CHTF18: variants seen among roughly 807,000 people sequenced by gnomAD.
The protein encoded by CHTF18 is chromosome transmission fidelity factor 18, also known as chromosome transmission fidelity protein 18 homolog.
A neutral mutation model predicts 113.4 loss-of-function variants in CHTF18; 151 were observed. That is an observed-to-expected ratio of 1.33 (90% CI 1.17 to 1.52). The LOEUF is 1.52. Ranked by LOEUF, CHTF18 falls within the 40% of genes most tolerant of loss-of-function variation. The pLI is 0.00. For synonymous variants in CHTF18, 916 were observed against 598.8 expected, an observed-to-expected ratio of 1.53 and a Z score of -7.74; for missense variants, 1,982 against 1,381.6, an observed-to-expected ratio of 1.43 and a Z score of -6.89.
intron 14 of CHTF18, chr16:793,620 C>T (rs753797455): frequency 7.6e-6 from 4 of 528,668 alleles, no homozygotes; most frequent in South Asian, 4.0e-5. Flanking sequence ...GGTCTCTGAG[C>T]CCCTGCCTGC....
rs778830831 is a variant in CHTF18, at chr16:792,721, C to T, written c.1482C>T (p.Phe494=). The change falls in exon 12 of 22, where the codon TTC becomes TTT. Residue 494 remains phenylalanine (F), a synonymous_variant. Transcript: ENST00000262315. The part of the protein sequence containing the change: ...RPIICICNDQ[F]APSLRQLKQQ... ...TGGCCCTGCCGCCTCTCCTCAGGTT[C>T]GCACCGTCCCTGCGGCAGCTGAAGC... The T allele has an allele frequency of 1.3e-5, 20 of 1,563,090 alleles. No individual in the cohort carries two copies. The highest frequency in any genetic ancestry group is 1.2e-4 in the East Asian group (5 of 42,372).
At position 790,365 on chromosome 16, in the gene CHTF18, C is replaced by T. The variant is rs2042161375; in HGVS notation, c.718C>T (p.Gln240Ter). Reference protein sequence around the residue: ...VDGERRERLLQEAQKLSDTLH... With the variant: ...VDGERRERLL ...TGCACAGCGGCGGGAGCGGCTGCTT[C>T]AGGAGGCCCAGAAGCTTTCAGACAC... The change falls in exon 6 of 22, where the codon CAG (glutamine) becomes TAG (stop). Residue 240 changes from glutamine to a stop codon, truncating the protein, a stop_gained. Coordinates refer to ENST00000262315, the MANE Select transcript of CHTF18 (RefSeq NM_022092.3). LOFTEE classifies it high-confidence loss of function. 1.2e-6 allele frequency: 2 copies of T among 1,611,592 alleles called. No individual in the cohort carries two copies. The highest frequency in any genetic ancestry group is 2.2e-5 in the East Asian group (1 of 44,790).
At chr16:792,069 T>C in intron 9 of CHTF18, 121 bp downstream of exon 9, 1 of 1,536,240 alleles carries the variant, frequency 6.5e-7, no homozygotes, top group South Asian at 1.2e-5. Flanking sequence ...CCTGGGTGTG[T>C]GGGCCGGGAA....
chr16:797,670 C>G, intron 20 of CHTF18, 24 bp from the exon 21 acceptor site: 1 of 1,611,018 alleles, frequency 6.2e-7, no homozygotes, highest in Non-Finnish European at 8.5e-7. Context: ...TCCTATACGA[C>G]TGACTAGTCC....
chr16:797,676 A>G lies in CHTF18; in HGVS notation c.2734-18A>G. ...GGGCATCTGTCCTATACGACTGACT[A>G]GTCCTTCCTCCCATCAGCCTGAGAA... is the stretch of plus-strand genomic sequence containing the variant. On this transcript the variant is annotated intron_variant, in intron 20 of 21. Coordinates refer to ENST00000262315, the MANE Select transcript of CHTF18 (RefSeq NM_022092.3). 1 of 1,610,334 alleles carries G rather than the reference A, an allele frequency of 6.2e-7. No individual in the cohort carries two copies. Among genetic ancestry groups the G allele is most frequent in the South Asian group, 1.1e-5 (1 of 90,882 alleles).
rs1379933294 is a variant in CHTF18, at chr16:795,144, A to G, written c.1963A>G (p.Asn655Asp). The G allele has an allele frequency of 6.5e-7, 1 of 1,548,728 alleles. No homozygotes were observed. The highest frequency in any genetic ancestry group is 8.7e-7 in the Non-Finnish European group (1 of 1,146,118). Residue 655 changes from asparagine (N) to aspartate (D), a missense_variant, in exon 16 of 22, where the codon AAC becomes GAC. Asn to Asp is a conservative substitution (Grantham distance 23). Transcript: ENST00000262315. Reference protein sequence around the residue: ...HEKVVQGLFDNFLRLRLRDSS... With the variant: ...HEKVVQGLFDDFLRLRLRDSS... ...CGGCCGCCTGCAGGGCTTGTTTGACAACTTCCTGCGTCTGCGGCTGCGAGA... is the reference window on the plus strand; with the variant it reads ...CGGCCGCCTGCAGGGCTTGTTTGACGACTTCCTGCGTCTGCGGCTGCGAGA...
intron 8 of CHTF18, 86 bp from the exon 9 acceptor site, chr16:791,765 G>A: frequency 6.6e-7 from 1 of 1,507,092 alleles, no homozygotes; most frequent in Non-Finnish European, 8.9e-7. Flanking sequence ...CCAGCCTGTG[G>A]GACACATGTG....
At chr16:791,685 T>C (rs1019576887) in intron 8 of CHTF18, 166 bp from the exon 9 acceptor site, 8 of 1,428,522 alleles carry the variant, frequency 5.6e-6, no homozygotes, top group Non-Finnish European at 7.3e-6. Context: ...TTTTTTCCGT[T>C]GCCATCTTGG....
rs867928376 is a variant in CHTF18 at position 795,184 on chromosome 16, CTG to C, written c.2012_2013del (p.Val671GlyfsTer9). ...CGGCTGCGAGACTCCAGCCTGGGTG[CTG>C]TGTGTGTGGCCCTCGACTGGCTGGC... On this transcript the variant is annotated frameshift_variant, in exon 16 of 22. Transcript: ENST00000262315. LOFTEE classifies it high-confidence loss of function. The C allele has an allele frequency of 3.8e-6, 6 of 1,558,890 alleles. No homozygotes were observed. Among genetic ancestry groups the C allele is most frequent in the African/African-American group, 1.4e-5 (1 of 73,476 alleles).
rs1487828835 is a variant in CHTF18, at chr16:794,081, G to C, written c.1830G>C (p.Leu610=). 1.9e-6 allele frequency: 3 copies of C among 1,611,988 alleles called. No individual in the cohort carries two copies. The African/African-American group carries it at 4.0e-5, about 22-fold the overall frequency. ...GCCGTGTGGGCCAGGACCCCGCCCT[G>C]CCTGCTGACACACTCCTGCTGGGTG... ...QRRRVGQDPA[L]PADTLLLGDG... Residue 610 remains leucine, a synonymous_variant, in exon 15 of 22, where the codon CTG becomes CTC. Coordinates refer to ENST00000262315, the MANE Select transcript of CHTF18 (RefSeq NM_022092.3).
chr16:790,412 G>A lies in CHTF18; in HGVS notation c.752+13G>A, dbSNP rs1250545062. ...ACACCCTGCACAGGTGACTTGGTTG[G>A]CCCTTCCGCCCTGGGGACCCTTGTT... is the stretch of plus-strand genomic sequence containing the variant. On this transcript the variant is annotated intron_variant, in intron 6 of 21. Coordinates refer to ENST00000262315, the MANE Select transcript of CHTF18 (RefSeq NM_022092.3). 20 of 1,612,268 alleles carry A rather than the reference G, an allele frequency of 1.2e-5. No homozygotes were observed. Among genetic ancestry groups the A allele is most frequent in the Non-Finnish European group, 1.5e-5 (18 of 1,179,722 alleles).
At position 795,845 on chromosome 16, in the gene CHTF18, T is replaced by TC. The variant is rs746890987; in HGVS notation, c.2325+15dup. The stretch of plus-strand genomic sequence containing the variant: ...CCCAAGCTCCGCCCCGTGAGTGCCG[T>TC]CCCCGGGGTGGGGGATTCCCCGCCT... On this transcript the variant is annotated intron_variant, in intron 17 of 21. Transcript: ENST00000262315. The TC allele has an allele frequency of 1.2e-6, 2 of 1,608,018 alleles. No homozygotes were observed. The highest frequency in any genetic ancestry group is 1.7e-6 in the Non-Finnish European group (2 of 1,177,726).
chr16:791,740 G>T, intron 8 of CHTF18, 111 bp from the exon 9 acceptor site: 1 of 1,467,642 alleles, frequency 6.8e-7, no homozygotes, highest in Non-Finnish European at 9.0e-7. Flanking sequence ...GGCTGGAGTG[G>T]GGTGGAGGGA....
chr16:795,982 A>G lies in CHTF18; in HGVS notation c.2361A>G (p.Gln787=). ...STQLYSTREK[Q]QLASLVGTML... is the part of the protein sequence containing the mutation. ...AGCTGTACAGCACCCGTGAAAAGCAACAGCTGGCCAGCCTGGTGGGCACGA... is the reference window on the plus strand; with the variant it reads ...AGCTGTACAGCACCCGTGAAAAGCAGCAGCTGGCCAGCCTGGTGGGCACGA... The change falls in exon 18 of 22, where the codon CAA becomes CAG. Residue 787 remains glutamine (Q), a synonymous_variant. Coordinates refer to ENST00000262315, the MANE Select transcript of CHTF18 (RefSeq NM_022092.3). 6.2e-7 allele frequency: 1 copy of G among 1,609,250 alleles called. No homozygotes were observed. The highest frequency in any genetic ancestry group is 1.1e-5 in the South Asian group (1 of 90,278).
At chr16:794,447 G>A (rs944168039) in intron 15 of CHTF18, among the ~76,000 whole-genome samples, 1 of 152,040 alleles carries the variant, frequency 6.6e-6, no homozygotes, top group African/African-American at 2.4e-5. Context: ...GGGGGAGGTC[G>A]CTCTGGTGGC....
intron 20 of CHTF18, 113 bp downstream of exon 20, chr16:797,205 T>C: frequency 7.8e-7 from 1 of 1,286,234 alleles, no homozygotes; most frequent in Non-Finnish European, 1.0e-6. Flanking sequence ...AGGGTACCTT[T>C]GTGGGTGTGG....
chr16:790,015 T>C (rs1401411039), intron 4 of CHTF18, 162 bp from the exon 5 acceptor site: 1 of 1,535,512 alleles, frequency 6.5e-7, no homozygotes, highest in South Asian at 1.2e-5. Flanking sequence ...AGCTGACCCA[T>C]CTGGATGGCT....
intron 14 of CHTF18, chr16:793,649 C>T (rs962512884): frequency 1.5e-5 from 8 of 522,816 alleles, no homozygotes; most frequent in Admixed American, 3.0e-5. Flanking sequence ...CTTGGCCTCC[C>T]GTGGGCAGGA....
At position 789,250 on chromosome 16, in the gene CHTF18, G is replaced by T; in HGVS notation, c.327G>T (p.Arg109Ser). 1 of 1,558,168 alleles carries T rather than the reference G, an allele frequency of 6.4e-7. No homozygotes were observed. Among genetic ancestry groups the T allele is most frequent in the Non-Finnish European group, 8.7e-7 (1 of 1,151,782 alleles). ...IKRPRLQVVK[R>S]LNFRSEEMEE... is the part of the protein sequence containing the mutation. ...GGCCTAGGCTGCAGGTGGTCAAGAGGCTGAACTTCAGATCGGAGGAGATGG... is the reference window on the plus strand; with the variant it reads ...GGCCTAGGCTGCAGGTGGTCAAGAGTCTGAACTTCAGATCGGAGGAGATGG... Residue 109 changes from arginine (R) to serine (S), a missense_variant, in exon 3 of 22, where the codon AGG (arginine) becomes AGT (serine). Coordinates refer to ENST00000262315, the MANE Select transcript of CHTF18 (RefSeq NM_022092.3).
Sources: gnomAD v4.1 joint callset for allele counts (sites outside exome capture counted in the v4.1 genomes callset) on GRCh38, gnomAD v4.1.1 for gene constraint, MANE v1.5 for transcripts, NCBI Gene and HGNC (gene_info 2026-07-23, HGNC 2026-07-21) for gene names.